The following PEX5L variants were observed in gnomAD, a reference collection of about 807,000 sequenced individuals.
PEX5L encodes the protein PEX5-related protein.
A neutral mutation model predicts 84.0 loss-of-function variants in PEX5L; 30 were observed. The observed-to-expected ratio is 0.36, with a 90% CI of 0.27 to 0.48. PEX5L has a LOEUF of 0.48. PEX5L is among the 20% of genes least tolerant of loss of function. The pLI is 0.99. For synonymous variants in PEX5L, 270 were observed against 283.1 expected (o/e 0.95, Z 0.46); for missense variants, 533 against 754.6 (o/e 0.71, Z 3.44).
chr3:180,036,791 T>G lies in PEX5L; in HGVS notation c.-192A>C. 2 of 611,762 alleles carry G rather than the reference T, an allele frequency of 3.3e-6. No homozygotes were observed. The highest frequency in any genetic ancestry group is 5.9e-6 in the Non-Finnish European group (2 of 336,354). The allele number at this position is 611,762 out of a possible 1,614,324, so 37.9% of individuals were successfully genotyped here. A position where few individuals can be genotyped will look rare whatever the true frequency, so the allele number is the denominator to read the frequency against. On this transcript the variant is annotated 5_prime_UTR_variant, in exon 1 of 15. Transcript: ENST00000467460. ...CGCTGCGGGCTGCCGGGAACTGTTC[T>G]CCGCTCGGGGTGCTGAAAGCGGACG...
chr3:179,851,199 C>T (rs1741714457), intron 8 of PEX5L, among the ~76,000 whole-genome samples: 1 of 152,140 alleles, frequency 6.6e-6, no homozygotes, highest in Non-Finnish European at 1.5e-5. Context: ...AACAAAAATT[C>T]CATAAACTGG....
intron 4 of PEX5L, among the ~76,000 whole-genome samples, chr3:179,885,438 A>C (rs1755524550): frequency 6.6e-6 from 1 of 152,072 alleles, no homozygotes; most frequent in African/African-American, 2.4e-5. Context: ...CAAGGTCAGG[A>C]GATTGAGACC....
chr3:179,918,092 A>G (rs1341803419), intron 2 of PEX5L, among the ~76,000 whole-genome samples: 1 of 152,240 alleles, frequency 6.6e-6, no homozygotes, highest in East Asian at 1.9e-4. Context: ...AGTAAGTGTT[A>G]GAGTGGGGAC....
At chr3:179,831,171 C>T (rs376102940) in intron 8 of PEX5L, among the ~76,000 whole-genome samples, 1 of 151,780 alleles carries the variant, frequency 6.6e-6, no homozygotes. Context: ...AAAAATTAGC[C>T]GGGCATGGTG....
chr3:179,989,655 T>A lies in PEX5L; in HGVS notation c.22-17990A>T, dbSNP rs541642812. 2.0e-5 allele frequency among the ~76,000 whole-genome samples: 3 copies of A among 152,322 alleles called. No homozygotes were observed. In the South Asian group the frequency reaches 6.2e-4, roughly 32 times the overall value. On this transcript the variant is annotated intron_variant, in intron 1 of 14. Coordinates refer to ENST00000467460, the MANE Select transcript of PEX5L (RefSeq NM_016559.3). The stretch of plus-strand genomic sequence containing the variant: ...GTAATGATATAAAGCAATTTTTATT[T>A]CCCATAAACTTGGCCTTATGCACTT...
chr3:179,914,024 C>T (rs1472747512), intron 2 of PEX5L, among the ~76,000 whole-genome samples: 2 of 152,096 alleles, frequency 1.3e-5, no homozygotes, highest in Non-Finnish European at 2.9e-5. Flanking sequence ...TTTGTGACTG[C>T]ACAGGCAAGA....
chr3:179,842,905 C>T (rs901932987), intron 8 of PEX5L, among the ~76,000 whole-genome samples: 3 of 151,992 alleles, frequency 2.0e-5, no homozygotes, highest in Non-Finnish European at 2.9e-5. Context: ...TTGGCAATGA[C>T]AGAATTTAGT....
chr3:179,801,972 C>A lies in PEX5L; in HGVS notation c.1737G>T (p.Gln579His). 1 of 1,613,896 alleles carries A rather than the reference C, an allele frequency of 6.2e-7. No homozygotes were observed. The highest frequency in any genetic ancestry group is 1.1e-5 in the South Asian group (1 of 91,068). The part of the protein sequence containing the change: ...LSLQRKSRNQ[Q>H]QVPHPAISGN... ...CAGAGATTGCAGGATGAGGAACTTGCTGCTGATTCCTGCTCTTTCTTTGCA... is the reference window on the plus strand; with the variant it reads ...CAGAGATTGCAGGATGAGGAACTTGATGCTGATTCCTGCTCTTTCTTTGCA... Residue 579 changes from glutamine to histidine, a missense_variant, in exon 15 of 15, where the codon CAG becomes CAT. By Grantham distance (24) the Gln-to-His change is conservative (BLOSUM62 0). This residue lies in a region of PEX5L where 105 missense variants were observed against 204.6 expected (regional missense o/e 0.51). Transcript: ENST00000467460.
rs542129600 is a variant in PEX5L at position 179,933,111 on chromosome 3, T to A, written c.94-34865A>T. Reference sequence around the variant, plus strand: ...CACATATAAGTGAGAGCACATGGTATTTGCCTTTCTGCACCCGGCCTATTT... The same window carrying A: ...CACATATAAGTGAGAGCACATGGTAATTGCCTTTCTGCACCCGGCCTATTT... On this transcript the variant is annotated intron_variant, in intron 2 of 14. Coordinates refer to ENST00000467460, the MANE Select transcript of PEX5L (RefSeq NM_016559.3). 5.9e-5 allele frequency among the ~76,000 whole-genome samples: 9 copies of A among 152,324 alleles called. No individual in the cohort carries two copies. In the South Asian group the frequency reaches 1.9e-3, roughly 32 times the overall value.
chr3:179,809,479 TG>T lies in PEX5L; in HGVS notation c.1343del (p.Pro448GlnfsTer10). ...PGLTRRMSKS[P>X]VDSSVLEGVK... Reference sequence around the variant, plus strand: ...TATAACGAGAAGGATACCTATCAACTGGGGACTTAGACATCCGCCGGGTGAG... The same window carrying T: ...TATAACGAGAAGGATACCTATCAACTGGGACTTAGACATCCGCCGGGTGAG... On this transcript the variant is annotated frameshift_variant, in exon 12 of 15. Transcript: ENST00000467460. LOFTEE classifies it high-confidence loss of function. The T allele has an allele frequency of 6.2e-7, 1 of 1,612,812 alleles. No homozygotes were observed. The highest frequency in any genetic ancestry group is 8.5e-7 in the Non-Finnish European group (1 of 1,178,760).
chr3:179,992,882 G>GCGTTTA (rs1418962445), intron 1 of PEX5L, among the ~76,000 whole-genome samples: 1 of 144,082 alleles, frequency 6.9e-6, no homozygotes, highest in Non-Finnish European at 1.5e-5. Context: ...ATGTATGTAT[G>GCGTTTA]TGTCTATGTA....
chr3:179,897,043 A>G lies in PEX5L; in HGVS notation c.198+1099T>C, dbSNP rs147092208. Among the ~76,000 whole-genome samples, 507 of 152,190 alleles carry G rather than the reference A, an allele frequency of 3.3e-3. 6 individuals are homozygous for G. The highest frequency in any genetic ancestry group is 0.011 in the African/African-American group (468 of 41,536). On this transcript the variant is annotated intron_variant, in intron 3 of 14. Coordinates refer to ENST00000467460, the MANE Select transcript of PEX5L (RefSeq NM_016559.3). ...CTTTAATAGCTTTAAAAATTATTTA[A>G]TTTTGATGTTATATGTTATAATTTT...
chr3:179,997,400 G>A (rs780817971), intron 1 of PEX5L, among the ~76,000 whole-genome samples: 1 of 152,132 alleles, frequency 6.6e-6, no homozygotes, highest in Non-Finnish European at 1.5e-5. Flanking sequence ...GTGCCAGAAT[G>A]CATAATTGGC....
chr3:179,883,957 A>T (rs1320272206), intron 4 of PEX5L, among the ~76,000 whole-genome samples: 2 of 152,232 alleles, frequency 1.3e-5, no homozygotes, highest in Non-Finnish European at 2.9e-5. Flanking sequence ...TTCATGCTTG[A>T]CACAAACTGT....
At chr3:179,884,675 T>C (rs1171951193) in intron 4 of PEX5L, among the ~76,000 whole-genome samples, 2 of 152,358 alleles carry the variant, frequency 1.3e-5, no homozygotes, top group East Asian at 3.9e-4. Flanking sequence ...GCCTGTGTTC[T>C]TGCACAGTCC....
At chr3:179,944,024 G>C (rs1250618300) in intron 2 of PEX5L, among the ~76,000 whole-genome samples, 1 of 147,044 alleles carries the variant, frequency 6.8e-6, no homozygotes, top group African/African-American at 2.7e-5. Flanking sequence ...AACTGAAAAA[G>C]TTTATAAACT....
intron 2 of PEX5L, among the ~76,000 whole-genome samples, chr3:179,966,641 A>G (rs1415250726): frequency 6.6e-6 from 1 of 152,136 alleles, no homozygotes; most frequent in Non-Finnish European, 1.5e-5. Context: ...ATGTTGGCCT[A>G]TATTTTCCTC....
At chr3:180,031,494 G>A (rs1160989387) in intron 1 of PEX5L, among the ~76,000 whole-genome samples, 1 of 152,160 alleles carries the variant, frequency 6.6e-6, no homozygotes, top group Non-Finnish European at 1.5e-5. Flanking sequence ...GGTGAAAAAT[G>A]TTTCAGGAAC....
chr3:179,992,217 G>C (rs1294263612), intron 1 of PEX5L, among the ~76,000 whole-genome samples: 1 of 152,150 alleles, frequency 6.6e-6, no homozygotes, highest in Non-Finnish European at 1.5e-5. Context: ...CAAATTGTTA[G>C]ATTGCTTAAG....
Sources: gnomAD v4.1 joint callset for allele counts (sites outside exome capture counted in the v4.1 genomes callset) on GRCh38, gnomAD v4.1.1 for gene constraint, gnomAD v4.1.1 regional missense constraint, MANE v1.5 for transcripts, NCBI Gene and HGNC (gene_info 2026-07-23, HGNC 2026-07-21) for gene names.